STX17: variants seen among roughly 807,000 people sequenced by gnomAD.
STX17 encodes syntaxin-17.
A neutral mutation model predicts 35.9 loss-of-function variants in STX17; 29 were observed. That is an observed-to-expected ratio of 0.81 (90% CI 0.60 to 1.10). STX17 has a LOEUF of 1.10. Among genes scored for constraint, STX17 ranks in the 50% least tolerant of loss-of-function variants. The pLI is 0.00. For missense variants in STX17, 312 were observed against 352.3 expected, an observed-to-expected ratio of 0.89 and a Z score of 0.92; for synonymous variants, 92 against 118.3, an observed-to-expected ratio of 0.78 and a Z score of 1.44.
intron 3 of STX17, among the ~76,000 whole-genome samples, chr9:99,936,734 CTGT>C (rs1829244429): frequency 6.6e-6 from 1 of 152,054 alleles, no homozygotes; most frequent in Admixed American, 6.6e-5. Flanking sequence ...AGCCTATATG[CTGT>C]TGTTCTCATA....
intron 4 of STX17, among the ~76,000 whole-genome samples, chr9:99,951,861 T>C (rs77043970): frequency 2.7e-3 from 404 of 152,180 alleles, no homozygotes; most frequent in African/African-American, 9.3e-3. Context: ...TCTGAAAATA[T>C]TCTTGGCTTA....
rs772942548 is a variant in STX17 at position 99,951,153 on chromosome 9, AAAG to A, written c.290_292del (p.Glu97del). 6.2e-7 allele frequency: 1 copy of A among 1,613,142 alleles called. No homozygotes were observed. ...TCTGAAGAGAATGATAGATCCTGTT[AAAG>A]AAGAAGCATCAGCAGCAACAGCAGA... On this transcript the variant is annotated inframe_deletion, in exon 4 of 8. Coordinates refer to ENST00000259400, the MANE Select transcript of STX17 (RefSeq NM_017919.3).
At chr9:99,911,886 T>C (rs1828672756) in intron 1 of STX17, among the ~76,000 whole-genome samples, 1 of 152,194 alleles carries the variant, frequency 6.6e-6, no homozygotes, top group African/African-American at 2.4e-5. Context: ...CCATACTGTT[T>C]TTCATAATGG....
At chr9:99,926,293 A>G (rs1360065750) in intron 2 of STX17, among the ~76,000 whole-genome samples, 1 of 151,936 alleles carries the variant, frequency 6.6e-6, no homozygotes, top group Non-Finnish European at 1.5e-5. Flanking sequence ...CATTATCCCT[A>G]TCATATCTGG....
intron 2 of STX17, among the ~76,000 whole-genome samples, chr9:99,918,003 T>A (rs1383298416): frequency 6.6e-6 from 1 of 152,224 alleles, no homozygotes; most frequent in Admixed American, 6.5e-5. Context: ...CATCCTCAAC[T>A]TGGTTCTACC....
At chr9:99,923,487 T>C (rs1405135431) in intron 2 of STX17, among the ~76,000 whole-genome samples, 1 of 152,186 alleles carries the variant, frequency 6.6e-6, no homozygotes, top group Non-Finnish European at 1.5e-5. Context: ...TTTTCTCTTA[T>C]ACTCTCACTC....
chr9:99,936,169 A>G (rs141272797), intron 3 of STX17, among the ~76,000 whole-genome samples: 8 of 152,334 alleles, frequency 5.3e-5, no homozygotes, highest in Admixed American at 2.0e-4. Context: ...TAAAGCTGCT[A>G]TGAACATTTG....
chr9:99,957,341 C>G (rs1476125734), intron 4 of STX17, among the ~76,000 whole-genome samples: 2 of 152,118 alleles, frequency 1.3e-5, no homozygotes, highest in Admixed American at 6.5e-5. Context: ...TAGATAGATA[C>G]CAATGCAGTC....
At chr9:99,938,503 G>A (rs1028646055) in intron 3 of STX17, among the ~76,000 whole-genome samples, 1 of 152,188 alleles carries the variant, frequency 6.6e-6, no homozygotes, top group African/African-American at 2.4e-5. Flanking sequence ...ATTTGATAAA[G>A]GCCAGGCGCA....
At chr9:99,966,093 C>T (rs1399200253) in intron 6 of STX17, among the ~76,000 whole-genome samples, 3 of 152,190 alleles carry the variant, frequency 2.0e-5, no homozygotes, top group African/African-American at 7.2e-5. Context: ...GCATCAGCAT[C>T]ACCTGGGAGC....
chr9:99,959,878 C>A, intron 4 of STX17, 39 bp from the exon 5 acceptor site: 2 of 1,446,768 alleles, frequency 1.4e-6, no homozygotes, highest in Non-Finnish European at 9.6e-7. Context: ...TCTAACAAAG[C>A]AAATAAACTC....
chr9:99,968,731 G>A lies in STX17; in HGVS notation c.*58G>A. On this transcript the variant is annotated 3_prime_UTR_variant, in exon 8 of 8. Transcript: ENST00000259400. ...GTCTATCCTGAGGACCTTTGCTGCT[G>A]TTGGACACTCCGTCACCTTTTGGAA... 1.9e-6 allele frequency: 3 copies of A among 1,570,302 alleles called. No homozygotes were observed. The highest frequency in any genetic ancestry group is 1.2e-5 in the South Asian group (1 of 81,838).
chr9:99,927,871 T>G (rs1829021692), intron 2 of STX17, among the ~76,000 whole-genome samples: 1 of 152,234 alleles, frequency 6.6e-6, no homozygotes, highest in Admixed American at 6.5e-5. Flanking sequence ...ACATCATTCT[T>G]TACCAAATTT....
chr9:99,918,784 C>G (rs1040982108), intron 2 of STX17, among the ~76,000 whole-genome samples: 33 of 152,064 alleles, frequency 2.2e-4, no homozygotes, highest in African/African-American at 7.7e-4. Context: ...GTCAGTAACT[C>G]TAGGTCTTGT....
rs554559768 is a variant in STX17, at chr9:99,911,356, C to T, written c.-62-3822C>T. ...CCCATTCTTTTTTTTAATGGCTGAA[C>T]GGTATTTCATTGTGTATATACACCA... On this transcript the variant is annotated intron_variant, in intron 1 of 7. Coordinates refer to ENST00000259400, the MANE Select transcript of STX17 (RefSeq NM_017919.3). 4.6e-5 allele frequency among the ~76,000 whole-genome samples: 7 copies of T among 151,980 alleles called. No individual in the cohort carries two copies. In the South Asian group the frequency reaches 8.3e-4, roughly 18 times the overall value.
rs534798061 is a variant in STX17 at position 99,974,311 on chromosome 9, T to C, written c.*5638T>C. On this transcript the variant is annotated 3_prime_UTR_variant, in exon 8 of 8. Coordinates refer to ENST00000259400, the MANE Select transcript of STX17 (RefSeq NM_017919.3). ...TGAGATTTTCTTGTATTAAGGTTAATCACTAAAAAGGTGTTTACTTGGGTT... is the reference window on the plus strand; with the variant it reads ...TGAGATTTTCTTGTATTAAGGTTAACCACTAAAAAGGTGTTTACTTGGGTT... Among the ~76,000 whole-genome samples the C allele has an allele frequency of 3.3e-5, 5 of 152,336 alleles. No individual in the cohort carries two copies. In the East Asian group the frequency reaches 9.6e-4, roughly 29 times the overall value.
intron 2 of STX17, among the ~76,000 whole-genome samples, chr9:99,918,848 T>C (rs1828836218): frequency 6.6e-6 from 1 of 152,100 alleles, no homozygotes; most frequent in African/African-American, 2.4e-5. Context: ...TGTTGGGGTG[T>C]GTTTATTTTT....
At chr9:99,952,765 T>C (rs1829628238) in intron 4 of STX17, among the ~76,000 whole-genome samples, 1 of 150,940 alleles carries the variant, frequency 6.6e-6, no homozygotes, top group Admixed American at 6.7e-5. Flanking sequence ...TCATTCTCAG[T>C]AAACTATCGC....
chr9:99,911,940 T>C (rs1828673953), intron 1 of STX17, among the ~76,000 whole-genome samples: 2 of 152,192 alleles, frequency 1.3e-5, no homozygotes, highest in Admixed American at 1.3e-4. Context: ...AAGAGTCCTC[T>C]TTCTCGCCAG....
Sources: gnomAD v4.1 joint callset for allele counts (sites outside exome capture counted in the v4.1 genomes callset) on GRCh38, gnomAD v4.1.1 for gene constraint, MANE v1.5 for transcripts, NCBI Gene and HGNC (gene_info 2026-07-23, HGNC 2026-07-21) for gene names.